The following BCL7A variants were observed in gnomAD, a reference collection of about 807,000 sequenced individuals.
BCL7A encodes B-cell CLL/lymphoma 7 protein family member A.
Under a neutral mutation model 28.4 loss-of-function variants are expected in BCL7A, and 11 were observed. The observed-to-expected ratio is 0.39, with a 90% CI of 0.24 to 0.64. BCL7A has a LOEUF of 0.64. Among genes scored for constraint, BCL7A ranks in the 30% least tolerant of loss-of-function variants. BCL7A has a pLI of 0.50. For synonymous variants in BCL7A, 123 were observed against 103.3 expected, an observed-to-expected ratio of 1.19 and a Z score of -1.15; for missense variants, 222 against 274.8, an observed-to-expected ratio of 0.81 and a Z score of 1.36.
In BCL7A at chr12:122,021,957, T is replaced by TGTGTGTGAGA. The variant is rs776212842; in HGVS notation, c.-134_-133insTGTGTGAGAG. On this transcript the variant is annotated 5_prime_UTR_variant, in exon 1 of 6. An upstream open reading frame in the 5' UTR loses its in-frame stop. Coordinates refer to ENST00000261822, the MANE Select transcript of BCL7A (RefSeq NM_001024808.3). ...GTGTGTGTGTGTGTGTGTGTGTGTG[T>TGTGTGTGAGA]GAGTGTGTGCGTGTGAGAGTGCGAG... is the stretch of plus-strand genomic sequence containing the variant. 3.1e-5 allele frequency: 18 copies of TGTGTGTGAGA among 583,420 alleles called. No individual in the cohort carries two copies. The highest frequency in any genetic ancestry group is 4.9e-5 in the Non-Finnish European group (16 of 328,902). 36.1% of individuals were successfully genotyped at this position (583,420 alleles called of 1,614,324 possible). A position where few individuals can be genotyped will look rare whatever the true frequency, so the allele number is the denominator to read the frequency against.
At chr12:122,043,828 TACCCGTCCTTGGCAGCTGTGGGATTTC>T in intron 3 of BCL7A, 31 bp from the exon 4 acceptor site, 1 of 1,533,490 alleles carries the variant, frequency 6.5e-7, no homozygotes, top group Middle Eastern at 1.7e-4. Context: ...CCCTCTGACC[TACCCGTCCTTGGCAGCTGTGGGATTTC>T]ATCCTGTGGT....
At chr12:122,038,010 G>A (rs9739533) in intron 3 of BCL7A, among the ~76,000 whole-genome samples, 133,591 of 151,882 alleles carry the variant, frequency 0.88, 58,909 homozygotes, top group African/African-American at 0.95. Flanking sequence ...AATCCCAGCT[G>A]CTCAGGAGGC....
rs1354311652 is a variant in BCL7A, at chr12:122,061,998, A to C, written c.*2835A>C. On this transcript the variant is annotated 3_prime_UTR_variant, in exon 6 of 6. Coordinates refer to ENST00000261822, the MANE Select transcript of BCL7A (RefSeq NM_001024808.3). The stretch of plus-strand genomic sequence containing the variant: ...TTCCATCAGTAGATATGGTTTGTAC[A>C]ATGTACAATTGTTTCATTTCAGAAA... 1.6e-5 allele frequency: 3 copies of C among 188,768 alleles called. No homozygotes were observed. The highest frequency in any genetic ancestry group is 3.3e-5 in the Non-Finnish European group (3 of 89,558). 11.7% of individuals were successfully genotyped at this position (188,768 alleles called of 1,614,324 possible).
intron 2 of BCL7A, among the ~76,000 whole-genome samples, chr12:122,033,301 T>G (rs1386044471): frequency 6.6e-6 from 1 of 151,848 alleles, no homozygotes; most frequent in Admixed American, 6.6e-5. Context: ...GGCTAATTTA[T>G]TTATTATTTT....
chr12:122,050,302 G>GC (rs1465571675), intron 4 of BCL7A, among the ~76,000 whole-genome samples: 1 of 122,954 alleles, frequency 8.1e-6, no homozygotes, highest in African/African-American at 2.7e-5. Context: ...TTATTGTGGG[G>GC]GGGGGGCCAT....
At chr12:122,045,061 G>A (rs1418514593) in intron 4 of BCL7A, among the ~76,000 whole-genome samples, 2 of 152,074 alleles carry the variant, frequency 1.3e-5, no homozygotes, top group African/African-American at 2.4e-5. Context: ...AGTGTGGGCA[G>A]AGGTAAGAGT....
At chr12:122,031,295 C>T (rs562046937) in intron 2 of BCL7A, among the ~76,000 whole-genome samples, 216 of 152,108 alleles carry the variant, frequency 1.4e-3, no homozygotes, top group Non-Finnish European at 2.6e-3. Context: ...TCCCAAAGTG[C>T]TGGAGTTAAG....
Position 122,061,921 on chromosome 12 carries a change from A to ATTT in BCL7A, c.*2770_*2772dup. 5 of 185,318 alleles carry ATTT rather than the reference A, an allele frequency of 2.7e-5. No individual in the cohort carries two copies. The highest frequency in any genetic ancestry group is 1.7e-4 in the East Asian group (2 of 11,980). The allele number at this position is 185,318 out of a possible 1,614,324, so 11.5% of individuals were successfully genotyped here. ...TACCTAATTTTTTCCCCTTTCAAGA[A>ATTT]TTTTTTTTTTTTTTGGTGTGTTGTA... is the stretch of plus-strand genomic sequence containing the variant. On this transcript the variant is annotated 3_prime_UTR_variant, in exon 6 of 6. Coordinates refer to ENST00000261822, the MANE Select transcript of BCL7A (RefSeq NM_001024808.3).
chr12:122,035,272 G>C, intron 2 of BCL7A, 59 bp from the exon 3 acceptor site: 1 of 1,434,990 alleles, frequency 7.0e-7, no homozygotes, highest in Non-Finnish European at 9.8e-7. Flanking sequence ...GGGGCTCTGA[G>C]CACGTGTGCG....
rs1266317340 is a variant in BCL7A, at chr12:122,059,683, C to T, written c.*520C>T. On this transcript the variant is annotated 3_prime_UTR_variant, in exon 6 of 6. Transcript: ENST00000261822. The surrounding 1 kb of genome is among the most constrained non-coding windows in gnomAD (Gnocchi z 4.0). ...GTTTGGTTCGGGCGGCGGCTGCCACCCTACTCACCGCTCTCCTCCCTGCCC... is the reference window on the plus strand; with the variant it reads ...GTTTGGTTCGGGCGGCGGCTGCCACTCTACTCACCGCTCTCCTCCCTGCCC... 1 of 233,082 alleles carries T rather than the reference C, an allele frequency of 4.3e-6. No individual in the cohort carries two copies. The highest frequency in any genetic ancestry group is 8.5e-6 in the Non-Finnish European group (1 of 118,172). The allele number at this position is 233,082 out of a possible 1,614,324, so 14.4% of individuals were successfully genotyped here. A position where few individuals can be genotyped will look rare whatever the true frequency, so the allele number is the denominator to read the frequency against.
At chr12:122,040,271 C>T (rs921347294) in intron 3 of BCL7A, among the ~76,000 whole-genome samples, 3 of 152,072 alleles carry the variant, frequency 2.0e-5, no homozygotes, top group Admixed American at 6.6e-5. Context: ...TGGCTCACAC[C>T]CATAATCCTA....
intron 1 of BCL7A, among the ~76,000 whole-genome samples, chr12:122,025,102 T>A (rs1772191545): frequency 6.6e-6 from 1 of 152,198 alleles, no homozygotes; most frequent in East Asian, 1.9e-4. Context: ...AACAAAATGG[T>A]GGGCCTCTTT....
intron 4 of BCL7A, among the ~76,000 whole-genome samples, chr12:122,053,898 C>T (rs1265564460): frequency 1.3e-5 from 2 of 152,110 alleles, no homozygotes; most frequent in Non-Finnish European, 2.9e-5. Context: ...ACATGACCCC[C>T]ATTTGGGAAG....
rs550796854 is a variant in BCL7A at position 122,044,189 on chromosome 12, A to G, written c.439+136A>G. On this transcript the variant is annotated intron_variant, in intron 4 of 5. Coordinates refer to ENST00000261822, the MANE Select transcript of BCL7A (RefSeq NM_001024808.3). The stretch of plus-strand genomic sequence containing the variant: ...GACAGTAAAGAGAGGTGACACCTGG[A>G]GTACATGGTCTCGTGGGGGAATTAA... 336 of 1,019,810 alleles carry G rather than the reference A, an allele frequency of 3.3e-4. 8 individuals carry two copies. In the South Asian group the frequency reaches 5.7e-3, roughly 17 times the overall value. 63.2% of individuals were successfully genotyped at this position (1,019,810 alleles called of 1,614,324 possible). A position where few individuals can be genotyped will look rare whatever the true frequency, so the allele number is the denominator to read the frequency against.
intron 1 of BCL7A, among the ~76,000 whole-genome samples, chr12:122,022,434 G>A (rs1453899499): frequency 2.1e-5 from 3 of 145,332 alleles, no homozygotes; most frequent in Admixed American, 6.8e-5. Flanking sequence ...GCCCGGAGGC[G>A]GCGGGCGCCG....
At position 122,029,601 on chromosome 12, in the gene BCL7A, C is replaced by T. The variant is rs1163012003; in HGVS notation, c.93-1099C>T. ...TGTACCAGGGGTGCGCCTGCCCCAA[C>T]AGTGCCTGCTGGGCCCCTTAAATCC... is the stretch of plus-strand genomic sequence containing the variant. On this transcript the variant is annotated intron_variant, in intron 1 of 5. Transcript: ENST00000261822. The surrounding 1 kb of genome is among the most constrained non-coding windows in gnomAD (Gnocchi z 4.3). Among the ~76,000 whole-genome samples, 2 of 152,212 alleles carry T rather than the reference C, an allele frequency of 1.3e-5. No individual in the cohort carries two copies. Among genetic ancestry groups the T allele is most frequent in the African/African-American group, 4.8e-5 (2 of 41,430 alleles).
At chr12:122,025,421 A>C (rs1333537308) in intron 1 of BCL7A, among the ~76,000 whole-genome samples, 1 of 151,480 alleles carries the variant, frequency 6.6e-6, no homozygotes, top group East Asian at 2.0e-4. Context: ...TCAGGAGATC[A>C]AGACCATCCT....
intron 3 of BCL7A, among the ~76,000 whole-genome samples, chr12:122,040,006 A>G (rs566065612): frequency 1.3e-5 from 2 of 152,242 alleles, no homozygotes; most frequent in African/African-American, 2.4e-5. Context: ...AGCCTATAAT[A>G]AAAATTTTAA....
chr12:122,039,165 C>T (rs1410632546), intron 3 of BCL7A, among the ~76,000 whole-genome samples: 3 of 151,576 alleles, frequency 2.0e-5, no homozygotes, highest in East Asian at 1.9e-4. Flanking sequence ...GGCGTGGTGG[C>T]TGGTGCCTGT....
Sources: gnomAD v4.1 joint callset for allele counts (sites outside exome capture counted in the v4.1 genomes callset) on GRCh38, gnomAD v4.1.1 for gene constraint, Gnocchi (gnomAD v3.1) non-coding constraint, MANE v1.5 for transcripts, NCBI Gene and HGNC (gene_info 2026-07-23, HGNC 2026-07-21) for gene names.